AKAP6: variants seen among roughly 807,000 people sequenced by gnomAD.
AKAP6 encodes A-kinase anchor protein 6.
AKAP6 carries 58 observed loss-of-function variants against 188.5 expected under a neutral mutation model. The ratio of observed to expected loss-of-function variants is 0.31; its 90% CI spans 0.25 to 0.38. AKAP6 has a LOEUF of 0.38. Ranked by LOEUF, AKAP6 falls within the 10% of genes least tolerant of loss-of-function variation. The pLI is 1.00. For synonymous variants in AKAP6, 989 were observed against 998.6 expected, an observed-to-expected ratio of 0.99 and a Z score of 0.18; for missense variants, 2,710 against 2,740.0, an observed-to-expected ratio of 0.99 and a Z score of 0.24.
At chr14:32,429,681 T>G (rs1008985903) in intron 1 of AKAP6, among the ~76,000 whole-genome samples, 3 of 152,224 alleles carry the variant, frequency 2.0e-5, no homozygotes, top group African/African-American at 4.8e-5. Flanking sequence ...GGAAAGTAAA[T>G]AGAAGTTGAA....
chr14:32,361,307 A>G (rs1887656091), intron 1 of AKAP6, among the ~76,000 whole-genome samples: 1 of 152,034 alleles, frequency 6.6e-6, no homozygotes. Context: ...GTGTGCATGC[A>G]TGTGCTTATG....
intron 7 of AKAP6, among the ~76,000 whole-genome samples, chr14:32,627,496 G>A (rs1887071134): frequency 6.6e-6 from 1 of 152,018 alleles, no homozygotes; most frequent in African/African-American, 2.4e-5. Context: ...GCATCATGAG[G>A]AGTTTGTTCT....
intron 1 of AKAP6, among the ~76,000 whole-genome samples, chr14:32,386,822 G>A (rs191550823): frequency 1.8e-3 from 281 of 152,124 alleles, no homozygotes; most frequent in African/African-American, 6.5e-3. Context: ...TCTCCTACTC[G>A]TGGCTAGCCA....
At chr14:32,447,408 C>T (rs1269687216) in intron 2 of AKAP6, among the ~76,000 whole-genome samples, 26 of 152,144 alleles carry the variant, frequency 1.7e-4, no homozygotes, top group African/African-American at 2.7e-4. Context: ...GTGGCATTGG[C>T]GTACTAAAAA....
rs1250052091 is a variant in AKAP6, at chr14:32,485,960, T to A, written c.325-49594T>A. Among the ~76,000 whole-genome samples the A allele has an allele frequency of 2.0e-5, 3 of 152,228 alleles. No homozygotes were observed. In the East Asian group the frequency reaches 5.8e-4, roughly 29 times the overall value. On this transcript the variant is annotated intron_variant, in intron 2 of 13. Transcript: ENST00000280979. ...GTTTTTATGGTTTTAGGCCTTACGT[T>A]TAAATCTTCAATCCATCTTGAGTTA...
chr14:32,462,919 A>AAAAAAAAAAAAAG (rs1566517619), intron 2 of AKAP6, among the ~76,000 whole-genome samples: 1 of 135,018 alleles, frequency 7.4e-6, no homozygotes, highest in East Asian at 2.1e-4. Flanking sequence ...AAAAAAAAAA[A>AAAAAAAAAAAAAG]AAAAAAACCC....
At chr14:32,634,754 T>G (rs1176691922) in intron 7 of AKAP6, among the ~76,000 whole-genome samples, 1 of 152,174 alleles carries the variant, frequency 6.6e-6, no homozygotes, top group African/African-American at 2.4e-5. Flanking sequence ...TTGACATCTG[T>G]CATGTCATCC....
chr14:32,659,684 G>A (rs192177221), intron 7 of AKAP6, among the ~76,000 whole-genome samples: 3 of 152,088 alleles, frequency 2.0e-5, no homozygotes, highest in East Asian at 1.9e-4. Context: ...TAACCTTTTC[G>A]ACATCTAGCA....
At chr14:32,540,188 A>ATT (rs1279336983) in intron 3 of AKAP6, among the ~76,000 whole-genome samples, 22 of 132,386 alleles carry the variant, frequency 1.7e-4, no homozygotes, top group African/African-American at 2.9e-4. Flanking sequence ...ATATATATAT[A>ATT]TATATTTTAA....
At chr14:32,665,916 G>A (rs1888915179) in intron 7 of AKAP6, among the ~76,000 whole-genome samples, 1 of 152,154 alleles carries the variant, frequency 6.6e-6, no homozygotes, top group Non-Finnish European at 1.5e-5. Flanking sequence ...GGGATAGGTG[G>A]AGATGGACAC....
chr14:32,439,579 C>T (rs575194303), intron 2 of AKAP6, among the ~76,000 whole-genome samples: 9 of 138,640 alleles, frequency 6.5e-5, no homozygotes, highest in African/African-American at 2.4e-4. Flanking sequence ...TTCTCTTTCT[C>T]CCACTACTGG....
chr14:32,696,776 C>G (rs1594857605), intron 9 of AKAP6, among the ~76,000 whole-genome samples: 1 of 151,028 alleles, frequency 6.6e-6, no homozygotes, highest in Admixed American at 6.6e-5. Context: ...TCTTATAAAG[C>G]AATCATGTGA....
At chr14:32,555,714 G>T (rs1373370087) in intron 4 of AKAP6, among the ~76,000 whole-genome samples, 2 of 152,092 alleles carry the variant, frequency 1.3e-5, no homozygotes, top group Non-Finnish European at 2.9e-5. Context: ...TTTTGTGACT[G>T]GCTTGTTTGA....
chr14:32,402,812 C>T (rs1300973436), intron 1 of AKAP6, among the ~76,000 whole-genome samples: 1 of 151,914 alleles, frequency 6.6e-6, no homozygotes, highest in Admixed American at 6.6e-5. Context: ...TCACTGCAAC[C>T]TCTGCTTCAT....
intron 7 of AKAP6, among the ~76,000 whole-genome samples, chr14:32,634,168 T>C (rs1179063200): frequency 6.6e-6 from 1 of 151,962 alleles, no homozygotes; most frequent in Non-Finnish European, 1.5e-5. Flanking sequence ...ACTAGCTGGG[T>C]AACCTTGAAC....
chr14:32,524,153 G>A, intron 2 of AKAP6, among the ~76,000 whole-genome samples: 1 of 137,710 alleles, frequency 7.3e-6, no homozygotes. Context: ...GCAAGAGCCT[G>A]TTTCAAAAAA....
chr14:32,700,696 C>T (rs775658871), intron 9 of AKAP6, among the ~76,000 whole-genome samples: 1 of 152,150 alleles, frequency 6.6e-6, no homozygotes, highest in Non-Finnish European at 1.5e-5. Context: ...GCAATAGGCT[C>T]TACCGTATAG....
At chr14:32,397,070 A>ATT (rs1186001250) in intron 1 of AKAP6, among the ~76,000 whole-genome samples, 1 of 152,154 alleles carries the variant, frequency 6.6e-6, no homozygotes, top group Non-Finnish European at 1.5e-5. Context: ...TGAAACACAA[A>ATT]TTTCTGGGAC....
At chr14:32,486,187 G>A (rs138973040) in intron 2 of AKAP6, among the ~76,000 whole-genome samples, 1,743 of 136,352 alleles carry the variant, frequency 0.013, 15 homozygotes, top group East Asian at 0.032. Context: ...ATCTGTTTTT[G>A]TACCAGTACC....
Sources: allele counts gnomAD v4.1 joint callset (sites outside exome capture counted in the v4.1 genomes callset), GRCh38; gene constraint gnomAD v4.1.1; transcripts MANE v1.5; gene names NCBI Gene and HGNC (gene_info 2026-07-23, HGNC 2026-07-21).